Variants in ZNF804B observed in about 807,000 individuals in gnomAD.
ZNF804B encodes zinc finger protein 804B.
In ZNF804B, 80 loss-of-function variants were observed where a neutral mutation model predicts 101.4. The ratio of observed to expected loss-of-function variants is 0.79; its 90% CI spans 0.66 to 0.95. The LOEUF is 0.95. ZNF804B is among the 40% of genes least tolerant of loss of function. ZNF804B has a pLI of 0.00. For missense variants in ZNF804B, 1,673 were observed against 1,561.9 expected (o/e 1.07, Z -1.20); for synonymous variants, 622 against 558.8 (o/e 1.11, Z -1.59).
intron 3 of ZNF804B, among the ~76,000 whole-genome samples, chr7:89,329,839 A>G (rs909340711): frequency 1.3e-5 from 2 of 151,652 alleles, no homozygotes; most frequent in Non-Finnish European, 3.0e-5. Context: ...GTTCCACGTT[A>G]TCTAGCTCTT....
At chr7:89,212,350 TC>T (rs1206938741) in intron 1 of ZNF804B, among the ~76,000 whole-genome samples, 1 of 151,942 alleles carries the variant, frequency 6.6e-6, no homozygotes, top group African/African-American at 2.4e-5. Flanking sequence ...ATAATTTTCT[TC>T]TTCTCAAGCG....
At chr7:89,044,767 T>C (rs917754854) in intron 1 of ZNF804B, among the ~76,000 whole-genome samples, 1 of 152,132 alleles carries the variant, frequency 6.6e-6, no homozygotes, top group Non-Finnish European at 1.5e-5. Flanking sequence ...AAGAAATTTC[T>C]ATGTGGCAAA....
At chr7:88,889,678 C>T (rs1383337856) in intron 1 of ZNF804B, among the ~76,000 whole-genome samples, 1 of 93,420 alleles carries the variant, frequency 1.1e-5, no homozygotes, top group East Asian at 3.5e-4. Flanking sequence ...GGATATTAGA[C>T]ATATGCCACT....
At chr7:89,176,587 CTTTCTTTTTTTT>C (rs1003236150) in intron 1 of ZNF804B, among the ~76,000 whole-genome samples, 3 of 53,994 alleles carry the variant, frequency 5.6e-5, no homozygotes, top group African/African-American at 1.5e-4. Context: ...TTCTTTCTTT[CTTTCTTTTTTTT>C]TTTTTTTTTC....
intron 1 of ZNF804B, among the ~76,000 whole-genome samples, chr7:89,052,834 C>T (rs936083636): frequency 2.6e-5 from 4 of 152,164 alleles, no homozygotes; most frequent in African/African-American, 4.8e-5. Flanking sequence ...ACACTCACTT[C>T]TTTGCACTGC....
At chr7:88,789,449 C>T (rs1385069309) in intron 1 of ZNF804B, among the ~76,000 whole-genome samples, 1 of 152,094 alleles carries the variant, frequency 6.6e-6, no homozygotes. Flanking sequence ...TACCAGTATA[C>T]TGTTACATTT....
At chr7:88,770,438 A>G (rs1338767272) in intron 1 of ZNF804B, among the ~76,000 whole-genome samples, 1 of 152,220 alleles carries the variant, frequency 6.6e-6, no homozygotes, top group African/African-American at 2.4e-5. Context: ...GGAAAGGGCA[A>G]GTAAATGGAT....
chr7:88,806,698 T>C (rs531161674), intron 1 of ZNF804B, among the ~76,000 whole-genome samples: 1 of 152,130 alleles, frequency 6.6e-6, no homozygotes, highest in South Asian at 2.1e-4. Context: ...AATAAGCCAT[T>C]ATCATAGTAG....
At chr7:89,178,821 A>G (rs770532639) in intron 1 of ZNF804B, among the ~76,000 whole-genome samples, 7 of 152,176 alleles carry the variant, frequency 4.6e-5, no homozygotes, top group Non-Finnish European at 7.4e-5. Context: ...CATATTGAAT[A>G]GCTCTCTTTA....
Position 89,231,376 on chromosome 7 carries a change from G to A in ZNF804B, c.249+13081G>A, listed in dbSNP as rs563991708. Among the ~76,000 whole-genome samples, 41 of 152,102 alleles carry A rather than the reference G, an allele frequency of 2.7e-4. No individual in the cohort carries two copies. The East Asian group carries it at 7.3e-3, about 27-fold the overall frequency. On this transcript the variant is annotated intron_variant, in intron 2 of 3. Coordinates refer to ENST00000333190, the MANE Select transcript of ZNF804B (RefSeq NM_181646.5). Reference sequence around the variant, plus strand: ...AACTTTATAGCAAGTTTTGAAATTAGATAGTATGAGTTCTCCAAATTTGCT... The same window carrying A: ...AACTTTATAGCAAGTTTTGAAATTAAATAGTATGAGTTCTCCAAATTTGCT...
chr7:89,037,407 A>C (rs1382591699), intron 1 of ZNF804B, among the ~76,000 whole-genome samples: 1 of 152,062 alleles, frequency 6.6e-6, no homozygotes, highest in Non-Finnish European at 1.5e-5. Context: ...TCAATTTAAC[A>C]CATGTACCAA....
chr7:89,238,594 T>TA (rs1399745784), intron 2 of ZNF804B, among the ~76,000 whole-genome samples: 3 of 152,164 alleles, frequency 2.0e-5, no homozygotes, highest in Non-Finnish European at 4.4e-5. Flanking sequence ...GGGGTGCAGT[T>TA]AAAAAATCCC....
chr7:88,957,509 A>T (rs190759270), intron 1 of ZNF804B, among the ~76,000 whole-genome samples: 1 of 151,318 alleles, frequency 6.6e-6, no homozygotes, highest in African/African-American at 2.4e-5. Context: ...TCATGCAGAG[A>T]TTATCAAACA....
At chr7:89,089,135 A>G (rs2116323157) in intron 1 of ZNF804B, among the ~76,000 whole-genome samples, 1 of 150,896 alleles carries the variant, frequency 6.6e-6, no homozygotes, top group African/African-American at 2.4e-5. Flanking sequence ...AATTTCTATG[A>G]AGATTACATG....
intron 1 of ZNF804B, among the ~76,000 whole-genome samples, chr7:88,855,778 TG>T (rs1467954423): frequency 3.9e-5 from 6 of 152,216 alleles, no homozygotes; most frequent in Non-Finnish European, 1.5e-5. Context: ...AATTAATTTT[TG>T]TATAAGGTGC....
intron 2 of ZNF804B, among the ~76,000 whole-genome samples, chr7:89,279,485 G>C (rs1790045820): frequency 6.7e-6 from 1 of 150,204 alleles, no homozygotes; most frequent in Non-Finnish European, 1.5e-5. Flanking sequence ...ATTGGCTGTG[G>C]GTTTGTCATA....
intron 1 of ZNF804B, among the ~76,000 whole-genome samples, chr7:88,816,001 T>A (rs2115746183): frequency 6.6e-6 from 1 of 152,168 alleles, no homozygotes; most frequent in East Asian, 1.9e-4. Context: ...TGAATGCTCT[T>A]GCTATCCTAC....
In ZNF804B at chr7:88,777,204, G is replaced by A. The variant is rs150614999; in HGVS notation, c.108+17120G>A. Among the ~76,000 whole-genome samples, 295 of 152,316 alleles carry A rather than the reference G, an allele frequency of 1.9e-3. 1 individual carries two copies. The highest frequency in any genetic ancestry group is 6.8e-3 in the African/African-American group (284 of 41,580). On this transcript the variant is annotated intron_variant, in intron 1 of 3. Coordinates refer to ENST00000333190, the MANE Select transcript of ZNF804B (RefSeq NM_181646.5). Reference sequence around the variant, plus strand: ...CTGGTGCCTACAACCACTGGCTGCTGCCATAATGATGCTGGTATTGCAGAG... The same window carrying A: ...CTGGTGCCTACAACCACTGGCTGCTACCATAATGATGCTGGTATTGCAGAG...
At chr7:89,072,089 C>G (rs994342994) in intron 1 of ZNF804B, among the ~76,000 whole-genome samples, 2 of 152,156 alleles carry the variant, frequency 1.3e-5, no homozygotes. Flanking sequence ...TAGCTCTTCT[C>G]TGTAGGTACA....
Sources: gnomAD v4.1 joint callset for allele counts (sites outside exome capture counted in the v4.1 genomes callset) on GRCh38, gnomAD v4.1.1 for gene constraint, MANE v1.5 for transcripts, NCBI Gene and HGNC (gene_info 2026-07-23, HGNC 2026-07-21) for gene names.